RHAG: variants seen among roughly 807,000 people sequenced by gnomAD.
The protein encoded by RHAG is Rh associated glycoprotein, also known as ammonium transporter Rh type A.
In RHAG, 25 loss-of-function variants were observed where a neutral mutation model predicts 42.4. That is an observed-to-expected ratio of 0.59 (90% CI 0.43 to 0.82). The LOEUF is 0.82. Ranked by LOEUF, RHAG falls within the 40% of genes least tolerant of loss-of-function variation. RHAG has a pLI of 0.00. For missense variants in RHAG, 483 were observed against 504.6 expected, an observed-to-expected ratio of 0.96 and a Z score of 0.41; for synonymous variants, 182 against 177.7, an observed-to-expected ratio of 1.02 and a Z score of -0.19.
intron 2 of RHAG, 91 bp downstream of exon 2, chr6:49,619,088 C>T: frequency 1.4e-6 from 2 of 1,419,768 alleles, no homozygotes; most frequent in South Asian, 2.4e-5. Flanking sequence ...CCCCAGTCCC[C>T]CACCTCTTAA....
intron 1 of RHAG, among the ~76,000 whole-genome samples, chr6:49,636,093 A>G (rs536841718): frequency 1.8e-4 from 27 of 152,142 alleles, no homozygotes; most frequent in Non-Finnish European, 3.4e-4. Flanking sequence ...AAAATATGTT[A>G]AGTATTCACA....
At chr6:49,608,667 G>A (rs1168387223) in intron 7 of RHAG, among the ~76,000 whole-genome samples, 2 of 152,086 alleles carry the variant, frequency 1.3e-5, no homozygotes, top group Admixed American at 6.6e-5. Flanking sequence ...TTGAGCCACC[G>A]TGTCCGGTCT....
chr6:49,621,341 C>T (rs4715137), intron 1 of RHAG, among the ~76,000 whole-genome samples: 6,356 of 152,218 alleles, frequency 0.042, 174 homozygotes, highest in South Asian at 0.11. Flanking sequence ...GCTCTTCCTT[C>T]GGGTAGTCTG....
rs2127351167 is a variant in RHAG, at chr6:49,612,549, G to A, written c.808-15C>T. On this transcript the variant is annotated splice_polypyrimidine_tract_variant and intron_variant, in intron 5 of 9. Transcript: ENST00000371175. Reference sequence around the variant, plus strand: ...TGAATGTGAACCTGTGTGAGCGGCAGAAACATAAATGAGGTGAGCTGGATG... The same window carrying A: ...TGAATGTGAACCTGTGTGAGCGGCAAAAACATAAATGAGGTGAGCTGGATG... The A allele has an allele frequency of 1.2e-6, 2 of 1,613,954 alleles. No individual in the cohort carries two copies. Among genetic ancestry groups the A allele is most frequent in the East Asian group, 4.5e-5 (2 of 44,874 alleles).
intron 1 of RHAG, among the ~76,000 whole-genome samples, chr6:49,629,538 T>C (rs6901845): frequency 0.23 from 34,267 of 152,034 alleles, 4,207 homozygotes; most frequent in African/African-American, 0.32. Context: ...AGTCCCGGTG[T>C]TGTGCACCCA....
chr6:49,633,460 A>G (rs1251573777), intron 1 of RHAG, among the ~76,000 whole-genome samples: 2 of 152,180 alleles, frequency 1.3e-5, no homozygotes, highest in Non-Finnish European at 2.9e-5. Context: ...TAGCATATAT[A>G]TGTATATAAC....
Position 49,611,840 on chromosome 6 carries a change from C to G in RHAG, c.945+557G>C, listed in dbSNP as rs143619161. Among the ~76,000 whole-genome samples, 1,209 of 151,688 alleles carry G rather than the reference C, an allele frequency of 8.0e-3. 18 individuals are homozygous for G. Among genetic ancestry groups the G allele is most frequent in the African/African-American group, 0.027 (1,132 of 41,338 alleles). ...CACTGCAACCTCCACCTCCCGGGTTCAAGTGATTCTCCTGCCTTAGCCTCC... is the reference window on the plus strand; with the variant it reads ...CACTGCAACCTCCACCTCCCGGGTTGAAGTGATTCTCCTGCCTTAGCCTCC... On this transcript the variant is annotated intron_variant, in intron 6 of 9. Transcript: ENST00000371175.
Position 49,611,154 on chromosome 6 carries a change from A to G in RHAG, c.946-9T>C. 1 of 1,609,630 alleles carries G rather than the reference A, an allele frequency of 6.2e-7. No homozygotes were observed. Among genetic ancestry groups the G allele is most frequent in the South Asian group, 1.1e-5 (1 of 90,960 alleles). On this transcript the variant is annotated splice_polypyrimidine_tract_variant and intron_variant, in intron 6 of 9. Coordinates refer to ENST00000371175, the MANE Select transcript of RHAG (RefSeq NM_000324.3). ...TTAGTAGTAAAAAGTGGCTAAAATT[A>G]TAAAAGGAAGAAGGTTTATTATTTA...
rs554790236 is a variant in RHAG at position 49,611,224 on chromosome 6, G to A, written c.946-79C>T. 1.4e-4 allele frequency: 167 copies of A among 1,169,826 alleles called. No individual in the cohort carries two copies. The South Asian group carries it at 2.0e-3, about 14-fold the overall frequency. 72.5% of individuals were successfully genotyped at this position (1,169,826 alleles called of 1,614,324 possible). The stretch of plus-strand genomic sequence containing the variant: ...AGAACTGAAACAGAGCTATAGCTGG[G>A]CTCTATTCTTCCATGGAGAAAAAGT... On this transcript the variant is annotated intron_variant, in intron 6 of 9. Coordinates refer to ENST00000371175, the MANE Select transcript of RHAG (RefSeq NM_000324.3).
At chr6:49,622,628 C>T (rs1416467412) in intron 1 of RHAG, among the ~76,000 whole-genome samples, 1 of 152,118 alleles carries the variant, frequency 6.6e-6, no homozygotes, top group Non-Finnish European at 1.5e-5. Context: ...TGTGAGGCCT[C>T]CCCAGCCATG....
rs1466991916 is a variant in RHAG at position 49,605,314 on chromosome 6, A to T, written c.*499T>A. 3 of 168,554 alleles carry T rather than the reference A, an allele frequency of 1.8e-5. No homozygotes were observed. The highest frequency in any genetic ancestry group is 4.8e-5 in the African/African-American group (2 of 41,700). The allele number at this position is 168,554 out of a possible 1,614,324, so 10.4% of individuals were successfully genotyped here. A position where few individuals can be genotyped will look rare whatever the true frequency, so the allele number is the denominator to read the frequency against. ...TTCATGCAAGGATACAACATTACTA[A>T]CTAGACTATTTTTAAAATAAAAAGC... is the stretch of plus-strand genomic sequence containing the variant. On this transcript the variant is annotated 3_prime_UTR_variant, in exon 10 of 10. Transcript: ENST00000371175.
chr6:49,623,047 C>G (rs1762790452), intron 1 of RHAG, among the ~76,000 whole-genome samples: 1 of 151,872 alleles, frequency 6.6e-6, no homozygotes, highest in South Asian at 2.1e-4. Context: ...ACCGTGTTAG[C>G]CAGGATGGTC....
intron 5 of RHAG, among the ~76,000 whole-genome samples, chr6:49,613,659 G>A (rs966677596): frequency 1.3e-5 from 2 of 152,020 alleles, no homozygotes; most frequent in African/African-American, 4.8e-5. Context: ...CTCCTTTACT[G>A]GTGTTTCTCT....
chr6:49,619,099 TATC>T, intron 2 of RHAG, 77 bp downstream of exon 2: 1 of 1,480,314 alleles, frequency 6.8e-7, no homozygotes, highest in Non-Finnish European at 9.4e-7. Context: ...CACCTCTTAA[TATC>T]ATCATGTTGG....
chr6:49,606,221 GC>G (rs1439996063), intron 9 of RHAG, among the ~76,000 whole-genome samples: 1 of 152,034 alleles, frequency 6.6e-6, no homozygotes, highest in East Asian at 1.9e-4. Context: ...TATTTCACTT[GC>G]TTTTGACTAC....
chr6:49,623,926 T>C (rs1346640679), intron 1 of RHAG, among the ~76,000 whole-genome samples: 1 of 152,184 alleles, frequency 6.6e-6, no homozygotes, highest in Non-Finnish European at 1.5e-5. Context: ...TTGCACTCTG[T>C]TTTGGGCCAA....
intron 1 of RHAG, among the ~76,000 whole-genome samples, chr6:49,628,929 G>A (rs1314673245): frequency 6.6e-6 from 1 of 152,204 alleles, no homozygotes; most frequent in Non-Finnish European, 1.5e-5. Context: ...GGGGACCAGA[G>A]TGGGTTGCCA....
intron 3 of RHAG, 109 bp downstream of exon 3, chr6:49,617,959 G>C: frequency 4.4e-6 from 4 of 918,092 alleles, no homozygotes; most frequent in Non-Finnish European, 7.0e-6. Flanking sequence ...TATTTGCTAC[G>C]GTATCACTCT....
In RHAG at chr6:49,614,753, G is replaced by C; in HGVS notation, c.741C>G (p.Leu247=). ...CRAIVNTYFS[L]AACVLTAFAF... ...CAAAGGCTGTGAGCACACAGGCAGC[G>C]AGAGAGAAGTACGTGTTTACAATGG... The change falls in exon 5 of 10, where the codon CTC becomes CTG. Residue 247 remains leucine (L), a synonymous_variant. Transcript: ENST00000371175. 1 of 1,614,096 alleles carries C rather than the reference G, an allele frequency of 6.2e-7. No individual in the cohort carries two copies. The highest frequency in any genetic ancestry group is 8.5e-7 in the Non-Finnish European group (1 of 1,180,016).
Sources: gnomAD v4.1 joint callset for allele counts (sites outside exome capture counted in the v4.1 genomes callset) on GRCh38, gnomAD v4.1.1 for gene constraint, MANE v1.5 for transcripts, NCBI Gene and HGNC (gene_info 2026-07-23, HGNC 2026-07-21) for gene names.